Variants in SPAG16 observed in about 807,000 individuals in gnomAD.
SPAG16 encodes sperm associated antigen 16.
A neutral mutation model predicts 80.4 loss-of-function variants in SPAG16; 86 were observed. That is an observed-to-expected ratio of 1.07 (90% CI 0.90 to 1.28). The LOEUF (loss-of-function observed/expected upper bound fraction) is 1.28, where lower values mean the gene tolerates loss of function less well. SPAG16 is among the 50% of genes most tolerant of loss of function. The pLI is 0.00. For synonymous variants in SPAG16, 294 were observed against 265.9 expected (o/e 1.11, Z -1.03); for missense variants, 870 against 765.3 (o/e 1.14, Z -1.61).
chr2:214,160,944 CA>C (rs939758201), intron 15 of SPAG16, among the ~76,000 whole-genome samples: 3 of 152,000 alleles, frequency 2.0e-5, no homozygotes, highest in Non-Finnish European at 4.4e-5. Context: ...ACATTTTTCT[CA>C]AACAGAAGTT....
chr2:213,718,496 G>C (rs1296613483), intron 10 of SPAG16, among the ~76,000 whole-genome samples: 2 of 152,226 alleles, frequency 1.3e-5, no homozygotes, highest in African/African-American at 4.8e-5. Context: ...TGGAGGGAGA[G>C]GCACCAGCGG....
chr2:213,381,664 T>C (rs1575434921), intron 9 of SPAG16, among the ~76,000 whole-genome samples: 1 of 152,202 alleles, frequency 6.6e-6, no homozygotes, highest in Admixed American at 6.5e-5. Context: ...TGAAAACCTG[T>C]TTTGCAGTGG....
At chr2:213,615,982 C>A (rs1458372535) in intron 10 of SPAG16, among the ~76,000 whole-genome samples, 2 of 152,126 alleles carry the variant, frequency 1.3e-5, no homozygotes, top group Non-Finnish European at 2.9e-5. Flanking sequence ...ATGGGTACAG[C>A]AAACCACCAT....
At chr2:213,505,308 T>G (rs2125791146) in intron 10 of SPAG16, among the ~76,000 whole-genome samples, 1 of 152,294 alleles carries the variant, frequency 6.6e-6, no homozygotes, top group Non-Finnish European at 1.5e-5. Context: ...CACAATTTTT[T>G]TTTACCTTTT....
At chr2:214,201,220 A>G (rs2058000424) in intron 15 of SPAG16, among the ~76,000 whole-genome samples, 2 of 152,234 alleles carry the variant, frequency 1.3e-5, no homozygotes, top group Admixed American at 6.5e-5. Context: ...CCATCAAGGT[A>G]TCAATAAAAT....
chr2:213,833,642 T>C (rs1450087196), intron 10 of SPAG16, among the ~76,000 whole-genome samples: 2 of 107,534 alleles, frequency 1.9e-5, no homozygotes. Flanking sequence ...TTTTATGTGC[T>C]CCTGTTGCAC....
At chr2:213,615,263 T>C (rs2061554369) in intron 10 of SPAG16, among the ~76,000 whole-genome samples, 1 of 152,238 alleles carries the variant, frequency 6.6e-6, no homozygotes, top group South Asian at 2.1e-4. Context: ...AATGTATTCG[T>C]ATTCTTGAGA....
chr2:214,045,023 C>T (rs1337691955), intron 13 of SPAG16, among the ~76,000 whole-genome samples: 1 of 152,194 alleles, frequency 6.6e-6, no homozygotes, highest in African/African-American at 2.4e-5. Context: ...AGCCACTGCA[C>T]TTTGGTGGCA....
At chr2:213,717,135 T>A (rs928738316) in intron 10 of SPAG16, among the ~76,000 whole-genome samples, 4 of 151,908 alleles carry the variant, frequency 2.6e-5, no homozygotes, top group Admixed American at 2.6e-4. Context: ...GTAACTCAAC[T>A]GTGAAAAGCA....
chr2:213,903,291 C>G (rs145519647), intron 11 of SPAG16, among the ~76,000 whole-genome samples: 1 of 152,292 alleles, frequency 6.6e-6, no homozygotes, highest in African/African-American at 2.4e-5. Flanking sequence ...CCATGGGCAT[C>G]CCACCCCTGC....
chr2:214,244,793 A>G (rs556082025), intron 15 of SPAG16, among the ~76,000 whole-genome samples: 2 of 152,244 alleles, frequency 1.3e-5, no homozygotes, highest in Middle Eastern at 3.4e-3. Flanking sequence ...GCTGATTATT[A>G]TACTTTCATT....
chr2:213,375,353 A>G (rs568365327), intron 9 of SPAG16: 19 of 335,218 alleles, frequency 5.7e-5, no homozygotes, highest in African/African-American at 2.8e-4. Flanking sequence ...TCTGCCACCT[A>G]TCCCAACATA....
At chr2:214,160,686 TGTATGTAC>T (rs1239464921) in intron 15 of SPAG16, among the ~76,000 whole-genome samples, 1 of 151,512 alleles carries the variant, frequency 6.6e-6, no homozygotes, top group Admixed American at 6.6e-5. Flanking sequence ...AATTATTCTG[TGTATGTAC>T]GTATGTAAGT....
At chr2:213,999,873 C>T (rs541296032) in intron 12 of SPAG16, among the ~76,000 whole-genome samples, 1 of 152,328 alleles carries the variant, frequency 6.6e-6, no homozygotes, top group Non-Finnish European at 1.5e-5. Context: ...CCTGTAACCA[C>T]TTTGTTTGTG....
intron 12 of SPAG16, among the ~76,000 whole-genome samples, chr2:213,983,316 T>C (rs1005369839): frequency 1.3e-5 from 2 of 151,968 alleles, no homozygotes; most frequent in African/African-American, 4.8e-5. Context: ...AACTCAAGTT[T>C]ATTAAGAAAA....
intron 15 of SPAG16, among the ~76,000 whole-genome samples, chr2:214,366,408 A>C (rs1020904739): frequency 2.6e-5 from 4 of 152,316 alleles, no homozygotes; most frequent in African/African-American, 9.6e-5. Flanking sequence ...GGTACGACCT[A>C]CTTTTGTAAA....
At chr2:214,372,987 C>G (rs1010882284) in intron 15 of SPAG16, among the ~76,000 whole-genome samples, 3 of 152,126 alleles carry the variant, frequency 2.0e-5, no homozygotes, top group Admixed American at 2.0e-4. Flanking sequence ...GCAGTATTCA[C>G]AAGGGAAGGA....
intron 9 of SPAG16, among the ~76,000 whole-genome samples, chr2:213,438,732 T>A (rs1023664414): frequency 2.0e-5 from 3 of 152,310 alleles, no homozygotes; most frequent in African/African-American, 7.2e-5. Context: ...AAAAGGGGAT[T>A]TTTACAGATG....
chr2:213,809,672 C>A (rs374912552), intron 10 of SPAG16, among the ~76,000 whole-genome samples: 3 of 151,764 alleles, frequency 2.0e-5, no homozygotes, highest in East Asian at 3.9e-4. Flanking sequence ...TTTAAAATTA[C>A]AATTAAAAAG....
Sources: gnomAD v4.1 joint callset for allele counts (sites outside exome capture counted in the v4.1 genomes callset) on GRCh38, gnomAD v4.1.1 for gene constraint, MANE v1.5 for transcripts, NCBI Gene and HGNC (gene_info 2026-07-23, HGNC 2026-07-21) for gene names.